The following ABLIM1 variants were observed in gnomAD, a reference collection of about 807,000 sequenced individuals.
The protein encoded by ABLIM1 is actin binding LIM protein 1, also known as actin-binding LIM protein 1.
Under a neutral mutation model 107.0 loss-of-function variants are expected in ABLIM1, and 40 were observed. The ratio of observed to expected loss-of-function variants is 0.37; its 90% CI spans 0.29 to 0.49. The LOEUF is 0.49. Among genes scored for constraint, ABLIM1 ranks in the 20% least tolerant of loss-of-function variants. The pLI is 0.97. For missense variants in ABLIM1, 857 were observed against 1,008.5 expected (o/e 0.85, Z 2.04); for synonymous variants, 357 against 357.3 (o/e 1.00, Z 0.01).
At chr10:114,628,341 G>C (rs1483677613) in intron 1 of ABLIM1, among the ~76,000 whole-genome samples, 1 of 152,244 alleles carries the variant, frequency 6.6e-6, no homozygotes, top group African/African-American at 2.4e-5. Flanking sequence ...AGTGCTGCTG[G>C]TATGTAGAGG....
chr10:114,470,888 CTTTGT>C (rs2066402270), intron 10 of ABLIM1, among the ~76,000 whole-genome samples: 1 of 150,328 alleles, frequency 6.7e-6, no homozygotes, highest in African/African-American at 2.5e-5. Flanking sequence ...GTTTTGTTTG[CTTTGT>C]TTTGTTTTTG....
chr10:114,643,717 C>G (rs972360780), intron 1 of ABLIM1, among the ~76,000 whole-genome samples: 4 of 151,886 alleles, frequency 2.6e-5, no homozygotes, highest in African/African-American at 9.7e-5. Context: ...GCTGGGACCA[C>G]AGACATGCAT....
intron 2 of ABLIM1, among the ~76,000 whole-genome samples, chr10:114,596,232 C>T (rs773122466): frequency 6.6e-6 from 1 of 152,212 alleles, no homozygotes; most frequent in Non-Finnish European, 1.5e-5. Context: ...CCCTGTGGCC[C>T]TCCTGGCCTG....
chr10:114,683,308 T>C (rs1013772240), intron 1 of ABLIM1, among the ~76,000 whole-genome samples: 9 of 152,196 alleles, frequency 5.9e-5, no homozygotes, highest in Non-Finnish European at 1.3e-4. Context: ...GGCAGGTCAG[T>C]GAGGAATAGG....
intron 4 of ABLIM1, among the ~76,000 whole-genome samples, chr10:114,559,451 A>G (rs12221368): frequency 0.3 from 41,721 of 137,770 alleles, 8,939 homozygotes; most frequent in African/African-American, 0.6. Context: ...AAAAAAAAAA[A>G]AAAAAAAAAA....
intron 6 of ABLIM1, among the ~76,000 whole-genome samples, chr10:114,505,004 C>A (rs1417613226): frequency 8.3e-6 from 1 of 119,920 alleles, no homozygotes; most frequent in Non-Finnish European, 1.8e-5. Flanking sequence ...TCTTTCCAAA[C>A]ACTTACCTAG....
intron 8 of ABLIM1, among the ~76,000 whole-genome samples, chr10:114,479,391 A>T (rs2056999694): frequency 6.6e-6 from 1 of 152,186 alleles, no homozygotes; most frequent in African/African-American, 2.4e-5. Context: ...ACTCCTTCCC[A>T]TCAGAACTCA....
rs74872819 is a variant in ABLIM1 at position 114,473,997 on chromosome 10, C to T, written c.1042-41G>A. ...TGACTTGTAAGACTTCGGACCCTGG[C>T]TTCAGAATCTAGACTGTCCTGGGCC... On this transcript the variant is annotated intron_variant, in intron 8 of 22. Transcript: ENST00000533213. 9,417 of 1,506,654 alleles carry T rather than the reference C, an allele frequency of 6.3e-3. 350 individuals are homozygous for T. In the African/African-American group the frequency reaches 0.097, roughly 16 times the overall value. The allele number at this position is 1,506,654 out of a possible 1,614,324, so 93.3% of individuals were successfully genotyped here. A position where few individuals can be genotyped will look rare whatever the true frequency, so the allele number is the denominator to read the frequency against.
intron 1 of ABLIM1, among the ~76,000 whole-genome samples, chr10:114,626,186 G>C (rs2077782057): frequency 6.6e-6 from 1 of 151,858 alleles, no homozygotes; most frequent in Non-Finnish European, 1.5e-5. Flanking sequence ...TTGAGACATA[G>C]TACATCACTG....
chr10:114,443,994 C>A, intron 17 of ABLIM1, 35 bp downstream of exon 17: 1 of 1,560,798 alleles, frequency 6.4e-7, no homozygotes, highest in Non-Finnish European at 8.7e-7. Flanking sequence ...GTGGCTGGCT[C>A]TCGAATCAGG....
intron 6 of ABLIM1, among the ~76,000 whole-genome samples, chr10:114,534,738 T>C (rs7913199): frequency 0.73 from 110,611 of 152,086 alleles, 41,275 homozygotes; most frequent in Non-Finnish European, 0.82. Context: ...CTCCCCTGCT[T>C]ACACATTTCA....
chr10:114,512,697 C>T (rs1050592008), intron 6 of ABLIM1, among the ~76,000 whole-genome samples: 1 of 151,956 alleles, frequency 6.6e-6, no homozygotes, highest in African/African-American at 2.4e-5. Flanking sequence ...TGGTGGTGTG[C>T]ACCCAGAATC....
intron 2 of ABLIM1, among the ~76,000 whole-genome samples, chr10:114,589,154 T>C (rs1566026202): frequency 6.6e-6 from 1 of 151,140 alleles, no homozygotes; most frequent in Non-Finnish European, 1.5e-5. Flanking sequence ...ACAAGGATAT[T>C]AAAAAAGAAA....
At chr10:114,559,439 A>AAAAT (rs2069305628) in intron 4 of ABLIM1, among the ~76,000 whole-genome samples, 1 of 28,830 alleles carries the variant, frequency 3.5e-5, no homozygotes, top group Non-Finnish European at 6.5e-5. Context: ...CTCGTCTCTC[A>AAAAT]AAAAAAAAAA....
intron 4 of ABLIM1, among the ~76,000 whole-genome samples, chr10:114,552,989 C>G (rs2068258726): frequency 6.6e-6 from 1 of 152,130 alleles, no homozygotes; most frequent in South Asian, 2.1e-4. Flanking sequence ...AAATAAAGAC[C>G]ACTGTTAGGG....
intron 6 of ABLIM1, among the ~76,000 whole-genome samples, chr10:114,500,165 C>T (rs2060204576): frequency 6.6e-6 from 1 of 152,176 alleles, no homozygotes; most frequent in African/African-American, 2.4e-5. Flanking sequence ...GGCTTCTGAG[C>T]TCACAAACAC....
At chr10:114,490,974 A>ATGTGTGTGTGTGTGTGTGTGTG (rs140256636) in intron 7 of ABLIM1, among the ~76,000 whole-genome samples, 5 of 99,274 alleles carry the variant, frequency 5.0e-5, no homozygotes, top group Admixed American at 1.3e-4. Context: ...CGGCATATAT[A>ATGTGTGTGTGTGTGTGTGTGTG]TGTGTGTGTG....
chr10:114,549,150 C>T (rs1330244506), intron 4 of ABLIM1, among the ~76,000 whole-genome samples: 4 of 152,056 alleles, frequency 2.6e-5, no homozygotes, highest in East Asian at 1.9e-4. Context: ...TTTGGGAGGC[C>T]GAGGCGGATG....
In ABLIM1 at chr10:114,444,069, T is replaced by C. The variant is rs2060646343; in HGVS notation, c.1893A>G (p.Ser631=). ...AATCGTAGCGACTGGCTAACAGAGA[T>C]GACCTTTCCCGGCTCTCTTTCTCCA... ...EEMEKESRER[S]SLLASRYDSP... The change falls in exon 17 of 23, where the codon TCA becomes TCG. Residue 631 remains serine (S), a synonymous_variant. Coordinates refer to ENST00000533213, the MANE Select transcript of ABLIM1 (RefSeq NM_002313.7). 1.2e-6 allele frequency: 2 copies of C among 1,612,862 alleles called. No individual in the cohort carries two copies. The highest frequency in any genetic ancestry group is 1.7e-6 in the Non-Finnish European group (2 of 1,179,718).
Sources: allele counts gnomAD v4.1 joint callset (sites outside exome capture counted in the v4.1 genomes callset), GRCh38; gene constraint gnomAD v4.1.1; transcripts MANE v1.5; gene names NCBI Gene and HGNC (gene_info 2026-07-23, HGNC 2026-07-21).